The following EIF2AK3 variants were observed in gnomAD, a reference collection of about 807,000 sequenced individuals.
EIF2AK3 encodes the protein eukaryotic translation initiation factor 2 alpha kinase 3.
Under a neutral mutation model 113.5 loss-of-function variants are expected in EIF2AK3, and 50 were observed. The ratio of observed to expected loss-of-function variants is 0.44; its 90% CI spans 0.35 to 0.56. EIF2AK3 has a LOEUF of 0.56. Among genes scored for constraint, EIF2AK3 ranks in the 20% least tolerant of loss-of-function variants. The probability of loss-of-function intolerance (pLI) is 0.00; values close to 1 mark genes in which losing one functional copy is unlikely to be tolerated. For synonymous variants in EIF2AK3, 448 were observed against 495.4 expected, an observed-to-expected ratio of 0.90 and a Z score of 1.27; for missense variants, 1,185 against 1,378.0, an observed-to-expected ratio of 0.86 and a Z score of 2.22.
At chr2:88,570,697 T>C (rs1674282037) in intron 14 of EIF2AK3, among the ~76,000 whole-genome samples, 177 bp downstream of exon 14, 1 of 152,196 alleles carries the variant, frequency 6.6e-6, no homozygotes, top group Non-Finnish European at 1.5e-5. Context: ...CCAATTCAGG[T>C]TGTAGAAACT....
At chr2:88,609,049 T>C (rs1675366780) in intron 2 of EIF2AK3, among the ~76,000 whole-genome samples, 1 of 151,850 alleles carries the variant, frequency 6.6e-6, no homozygotes, top group Non-Finnish European at 1.5e-5. Flanking sequence ...GATCCTTTTG[T>C]GGTGTTTTGT....
At chr2:88,598,842 C>T (rs775214040) in intron 2 of EIF2AK3, among the ~76,000 whole-genome samples, 11 of 152,078 alleles carry the variant, frequency 7.2e-5, no homozygotes, top group Admixed American at 2.6e-4. Context: ...GAAATATACA[C>T]TGATGTATTT....
Position 88,557,646 on chromosome 2 carries a change from A to G in EIF2AK3, c.*90T>C. The G allele has an allele frequency of 1.4e-6, 2 of 1,435,882 alleles. No homozygotes were observed. Among genetic ancestry groups the G allele is most frequent in the Non-Finnish European group, 2.0e-6 (2 of 1,019,328 alleles). 88.9% of individuals were successfully genotyped at this position (1,435,882 alleles called of 1,614,324 possible). ...CACAAAAAAATTGAGCGAAGAACAA[A>G]CTTTTCAAGTCTGCAATTTTGGACA... On this transcript the variant is annotated 3_prime_UTR_variant, in exon 17 of 17. Transcript: ENST00000303236.
chr2:88,593,804 A>T (rs1674943440), intron 3 of EIF2AK3: 1 of 785,448 alleles, frequency 1.3e-6, no homozygotes, highest in South Asian at 5.2e-5. Flanking sequence ...TAAAAATTTG[A>T]AACTTTTCTG....
intron 14 of EIF2AK3, among the ~76,000 whole-genome samples, chr2:88,566,468 T>C (rs1436550885): frequency 6.6e-6 from 1 of 152,132 alleles, no homozygotes; most frequent in Non-Finnish European, 1.5e-5. Context: ...TCTTAATACT[T>C]TGTATGAGTA....
At position 88,614,580 on chromosome 2, in the gene EIF2AK3, C is replaced by T. The variant is rs181450970; in HGVS notation, c.309-727G>A. Among the ~76,000 whole-genome samples, 26 of 152,248 alleles carry T rather than the reference C, an allele frequency of 1.7e-4. No individual in the cohort carries two copies. The East Asian group carries it at 3.5e-3, about 20-fold the overall frequency. ...TCTAGACCTTGTCATTACAAATCACCGCAACCCCCTAACCACCAACCCCTC... is the reference window on the plus strand; with the variant it reads ...TCTAGACCTTGTCATTACAAATCACTGCAACCCCCTAACCACCAACCCCTC... On this transcript the variant is annotated intron_variant, in intron 1 of 16. Coordinates refer to ENST00000303236, the MANE Select transcript of EIF2AK3 (RefSeq NM_004836.7).
At chr2:88,624,336 C>G (rs1339770322) in intron 1 of EIF2AK3, among the ~76,000 whole-genome samples, 7 of 152,128 alleles carry the variant, frequency 4.6e-5, no homozygotes. Flanking sequence ...CTTTTCAGTA[C>G]ATAAGTAAGT....
intron 14 of EIF2AK3, among the ~76,000 whole-genome samples, chr2:88,570,076 A>G (rs1273251657): frequency 5.3e-5 from 8 of 151,360 alleles, no homozygotes; most frequent in Admixed American, 2.6e-4. Context: ...GAAAATACTT[A>G]TTTTTCATAA....
rs540704378 is a variant in EIF2AK3, at chr2:88,576,699, A to G, written c.1891T>C (p.Leu631=). The change falls in exon 12 of 17, where the codon TTG becomes CTG. Residue 631 remains leucine (L), a synonymous_variant. Coordinates refer to ENST00000303236, the MANE Select transcript of EIF2AK3 (RefSeq NM_004836.7). ...TCTCGCATTACCTTTTCCCGAGCCA[A>G]TTCCCTGAAAGAGAGAAAATATTTA... The part of the protein sequence containing the change: ...IKRIRLPNRE[L]AREKVMREVK... The G allele has an allele frequency of 6.2e-7, 1 of 1,614,046 alleles. No individual in the cohort carries two copies. The highest frequency in any genetic ancestry group is 2.2e-5 in the East Asian group (1 of 44,850).
chr2:88,594,830 T>TAAAAAAAAAAA (rs58582485), intron 3 of EIF2AK3, among the ~76,000 whole-genome samples: 2 of 115,074 alleles, frequency 1.7e-5, no homozygotes, highest in African/African-American at 3.2e-5. Context: ...TGTCAAAATG[T>TAAAAAAAAAAA]AAAAAAAAAA....
chr2:88,624,284 G>A (rs1431429429), intron 1 of EIF2AK3, among the ~76,000 whole-genome samples: 3 of 151,670 alleles, frequency 2.0e-5, no homozygotes, highest in Admixed American at 2.0e-4. Flanking sequence ...GAGCCAATGC[G>A]CCCAGCCCCT....
At chr2:88,607,532 G>A (rs1201864624) in intron 2 of EIF2AK3, among the ~76,000 whole-genome samples, 2 of 152,168 alleles carry the variant, frequency 1.3e-5, no homozygotes, top group Admixed American at 6.5e-5. Flanking sequence ...CAAATGAGAT[G>A]TGTGTCCCAA....
At chr2:88,595,759 GAAT>G (rs1189471300) in intron 2 of EIF2AK3, 96 bp from the exon 3 acceptor site, 4 of 1,183,818 alleles carry the variant, frequency 3.4e-6, no homozygotes, top group Non-Finnish European at 4.9e-6. Flanking sequence ...ACCTTTAAAA[GAAT>G]AATAGTAATT....
intron 2 of EIF2AK3, among the ~76,000 whole-genome samples, chr2:88,603,845 C>T (rs1407486542): frequency 2.0e-5 from 3 of 152,172 alleles, no homozygotes; most frequent in African/African-American, 4.8e-5. Context: ...AAGTCAAATG[C>T]CTTCTTTAGC....
chr2:88,602,591 G>C (rs1479903222), intron 2 of EIF2AK3, among the ~76,000 whole-genome samples: 7 of 152,126 alleles, frequency 4.6e-5, no homozygotes, highest in Admixed American at 3.9e-4. Flanking sequence ...AAGAACCCCA[G>C]AGAGCATTTC....
intron 6 of EIF2AK3, 116 bp from the exon 7 acceptor site, chr2:88,589,017 A>C: frequency 8.2e-7 from 1 of 1,216,944 alleles, no homozygotes; most frequent in Non-Finnish European, 1.2e-6. Flanking sequence ...ACTCTTGTCA[A>C]AGAAGAAACA....
chr2:88,613,453 T>G (rs1221495575), intron 2 of EIF2AK3, among the ~76,000 whole-genome samples: 2 of 152,198 alleles, frequency 1.3e-5, no homozygotes, highest in African/African-American at 4.8e-5. Context: ...ATAATGTGCT[T>G]TGCTGATATG....
At position 88,587,204 on chromosome 2, in the gene EIF2AK3, CAAAAAAAAAAA is replaced by C. The variant is rs780050125; in HGVS notation, c.1429+767_1429+777del. 2.3e-4 allele frequency among the ~76,000 whole-genome samples: 7 copies of C among 30,274 alleles called. No homozygotes were observed. In the South Asian group the frequency reaches 5.2e-3, roughly 23 times the overall value. 19.9% of individuals were successfully genotyped at this position (30,274 alleles called of 152,430 possible). On this transcript the variant is annotated intron_variant, in intron 8 of 16. Coordinates refer to ENST00000303236, the MANE Select transcript of EIF2AK3 (RefSeq NM_004836.7). ...TGGGTGACAGAGCGAAACTCCATCT[CAAAAAAAAAAA>C]AAAAAAAAAAAAAAAAAGATAAAGG...
chr2:88,559,561 T>C (rs1288488906), intron 15 of EIF2AK3, among the ~76,000 whole-genome samples: 1 of 151,486 alleles, frequency 6.6e-6, no homozygotes, highest in Non-Finnish European at 1.5e-5. Context: ...TTTACATATA[T>C]GTGTATATAT....
Sources: gnomAD v4.1 joint callset for allele counts (sites outside exome capture counted in the v4.1 genomes callset) on GRCh38, gnomAD v4.1.1 for gene constraint, MANE v1.5 for transcripts, NCBI Gene and HGNC (gene_info 2026-07-23, HGNC 2026-07-21) for gene names.